CDH18: variants seen among roughly 807,000 people sequenced by gnomAD.
CDH18 encodes cadherin 18, also known as cadherin-18.
Under a neutral mutation model 67.9 loss-of-function variants are expected in CDH18, and 31 were observed. The observed-to-expected ratio is 0.46, with a 90% CI of 0.34 to 0.62. The LOEUF (loss-of-function observed/expected upper bound fraction) is 0.62, where lower values mean the gene tolerates loss of function less well. Ranked by LOEUF, CDH18 falls within the 20% of genes least tolerant of loss-of-function variation. The pLI is 0.01. For synonymous variants in CDH18, 362 were observed against 347.2 expected, an observed-to-expected ratio of 1.04 and a Z score of -0.48; for missense variants, 890 against 975.5, an observed-to-expected ratio of 0.91 and a Z score of 1.17.
At chr5:19,706,098 T>G (rs1181334751) in intron 5 of CDH18, among the ~76,000 whole-genome samples, 1 of 152,198 alleles carries the variant, frequency 6.6e-6, no homozygotes, top group African/African-American at 2.4e-5. Flanking sequence ...ATATGCATAT[T>G]AATGTGATTT....
At chr5:19,875,504 G>T (rs941041065) in intron 2 of CDH18, among the ~76,000 whole-genome samples, 1 of 151,890 alleles carries the variant, frequency 6.6e-6, no homozygotes, top group Admixed American at 6.6e-5. Flanking sequence ...AAGATTTAAA[G>T]CCATTGGAAA....
intron 1 of CDH18, among the ~76,000 whole-genome samples, chr5:20,450,293 G>T (rs763909570): frequency 6.6e-6 from 1 of 152,156 alleles, no homozygotes; most frequent in African/African-American, 2.4e-5. Context: ...GTTGCAGTGA[G>T]CTGAGATCAT....
chr5:20,045,102 T>C (rs1489139023), intron 2 of CDH18, among the ~76,000 whole-genome samples: 1 of 152,172 alleles, frequency 6.6e-6, no homozygotes, highest in African/African-American at 2.4e-5. Flanking sequence ...CCATAATACT[T>C]ACAATAATGT....
intron 1 of CDH18, among the ~76,000 whole-genome samples, chr5:20,497,627 G>T (rs1288320419): frequency 6.6e-6 from 1 of 151,978 alleles, no homozygotes; most frequent in African/African-American, 2.4e-5. Flanking sequence ...TATCTTTGTT[G>T]TTAAACAATG....
intron 2 of CDH18, among the ~76,000 whole-genome samples, chr5:20,231,429 C>T (rs752699210): frequency 3.3e-5 from 5 of 151,700 alleles, no homozygotes; most frequent in Admixed American, 6.6e-5. Flanking sequence ...GGTGAAACCC[C>T]GTCTCTACTA....
At chr5:19,711,068 G>A (rs2150528408) in intron 5 of CDH18, among the ~76,000 whole-genome samples, 1 of 152,028 alleles carries the variant, frequency 6.6e-6, no homozygotes, top group Non-Finnish European at 1.5e-5. Context: ...AATGAAACTG[G>A]ACACCTATTT....
chr5:19,806,023 T>G (rs537664009), intron 3 of CDH18, among the ~76,000 whole-genome samples: 1 of 152,300 alleles, frequency 6.6e-6, no homozygotes, highest in East Asian at 1.9e-4. Flanking sequence ...TCAGGCCCAC[T>G]TCTAACACAT....
intron 3 of CDH18, among the ~76,000 whole-genome samples, chr5:19,783,614 C>T (rs1009297712): frequency 2.6e-5 from 4 of 152,146 alleles, no homozygotes; most frequent in African/African-American, 7.2e-5. Context: ...TCTGTCACCA[C>T]ATGGGGACAT....
intron 1 of CDH18, among the ~76,000 whole-genome samples, chr5:20,336,724 C>CAAAAAGAAAA (rs1739795200): frequency 1.6e-5 from 1 of 63,472 alleles, no homozygotes; most frequent in Non-Finnish European, 2.8e-5. Context: ...GCCTCTGTCT[C>CAAAAAGAAAA]AAAAAAAAAA....
chr5:20,377,942 GCAATTATGAATTTGCTCCTTTAATGGAA>G (rs146940082), intron 1 of CDH18, among the ~76,000 whole-genome samples: 61,963 of 124,546 alleles, frequency 0.5, 14,619 homozygotes, highest in Middle Eastern at 0.63. Flanking sequence ...CTTTAATGGA[GCAATTATGAATTTGCTCCTTTAATGGAA>G]CAATTATGAA....
intron 3 of CDH18, among the ~76,000 whole-genome samples, chr5:19,806,616 T>C (rs1778055940): frequency 6.6e-6 from 1 of 152,236 alleles, no homozygotes; most frequent in Non-Finnish European, 1.5e-5. Context: ...ATGTTACAAG[T>C]ATGTCTCAGG....
intron 3 of CDH18, 110 bp downstream of exon 3, chr5:19,838,649 A>G (rs1781933572): frequency 8.8e-6 from 6 of 681,920 alleles, no homozygotes; most frequent in Non-Finnish European, 1.3e-5. Flanking sequence ...TTCACTCTAC[A>G]ACATAATTTG....
chr5:20,329,264 C>T (rs922964864), intron 1 of CDH18, among the ~76,000 whole-genome samples: 1 of 152,154 alleles, frequency 6.6e-6, no homozygotes, highest in African/African-American at 2.4e-5. Context: ...GCAGATAACA[C>T]ATCACTATTG....
At position 20,573,806 on chromosome 5, in the gene CDH18, AATATAT is replaced by A. The variant is rs60858438; in HGVS notation, c.-580+1650_-580+1655del. 1.8e-3 allele frequency among the ~76,000 whole-genome samples: 217 copies of A among 119,102 alleles called. 1 individual carries two copies. The highest frequency in any genetic ancestry group is 4.3e-3 in the Middle Eastern group (1 of 230). The allele number at this position is 119,102 out of a possible 152,430, so 78.1% of individuals were successfully genotyped here. A position where few individuals can be genotyped will look rare whatever the true frequency, so the allele number is the denominator to read the frequency against. On this transcript the variant is annotated intron_variant, in intron 1 of 14. Coordinates refer to the CDH18 transcript ENST00000507958. ...TCCCCCAAATATAATACTTAAAAGA[AATATAT>A]ATATATATATATATATATATATATA...
chr5:20,501,918 A>G (rs12518951), intron 1 of CDH18, among the ~76,000 whole-genome samples: 71,137 of 148,948 alleles, frequency 0.48, 17,018 homozygotes, highest in East Asian at 0.56. Context: ...ACACACACAC[A>G]TTTTATTATT....
At chr5:20,332,606 G>C (rs1687865119) in intron 1 of CDH18, among the ~76,000 whole-genome samples, 1 of 152,096 alleles carries the variant, frequency 6.6e-6, no homozygotes. Context: ...TATACCATAA[G>C]CTAATTGTTA....
intron 1 of CDH18, among the ~76,000 whole-genome samples, chr5:20,417,952 A>C (rs1190607153): frequency 6.6e-6 from 1 of 152,244 alleles, no homozygotes. Context: ...ATGAAAATTA[A>C]TATAGTTTAC....
At chr5:20,464,201 AAAAG>A (rs1226634330) in intron 1 of CDH18, among the ~76,000 whole-genome samples, 2 of 152,202 alleles carry the variant, frequency 1.3e-5, no homozygotes, top group Non-Finnish European at 2.9e-5. Context: ...ACCAATCAAA[AAAAG>A]AAACAGAGAC....
In CDH18 at chr5:19,812,599, A is replaced by T. The variant is rs960531447; in HGVS notation, c.228+26160T>A. 2.0e-5 allele frequency among the ~76,000 whole-genome samples: 3 copies of T among 152,164 alleles called. No homozygotes were observed. In the East Asian group the frequency reaches 5.8e-4, roughly 29 times the overall value. On this transcript the variant is annotated intron_variant, in intron 3 of 12. Transcript: ENST00000382275. Reference sequence around the variant, plus strand: ...CGTCATTACAGGAGAACAAAAGAACAACAAACAAAACAAGAAACAACCTAA... The same window carrying T: ...CGTCATTACAGGAGAACAAAAGAACTACAAACAAAACAAGAAACAACCTAA...
Sources: allele counts gnomAD v4.1 joint callset (sites outside exome capture counted in the v4.1 genomes callset), GRCh38; gene constraint gnomAD v4.1.1; transcripts MANE v1.5; gene names NCBI Gene and HGNC (gene_info 2026-07-23, HGNC 2026-07-21).